The following RAD52 variants were observed in gnomAD, a reference collection of about 807,000 sequenced individuals.
The protein encoded by RAD52 is DNA repair protein RAD52 homolog.
In RAD52, 47 loss-of-function variants were observed where a neutral mutation model predicts 55.5. The ratio of observed to expected loss-of-function variants is 0.85; its 90% CI spans 0.67 to 1.08. The LOEUF (loss-of-function observed/expected upper bound fraction) is 1.08, where lower values mean the gene tolerates loss of function less well. Ranked by LOEUF, RAD52 falls within the 50% of genes least tolerant of loss-of-function variation. RAD52 has a pLI of 0.00. For missense variants in RAD52, 468 were observed against 522.8 expected (o/e 0.90, Z 1.02); for synonymous variants, 184 against 198.9 (o/e 0.92, Z 0.63).
At chr12:985,699 T>G (rs1045030186) in intron 1 of RAD52, among the ~76,000 whole-genome samples, 1 of 152,190 alleles carries the variant, frequency 6.6e-6, no homozygotes, top group Non-Finnish European at 1.5e-5. Context: ...TTATTTATTT[T>G]GAGACGGAGT....
chr12:983,316 G>A (rs1190411669), intron 1 of RAD52, among the ~76,000 whole-genome samples: 4 of 151,942 alleles, frequency 2.6e-5, no homozygotes, highest in African/African-American at 9.7e-5. Flanking sequence ...AAATAATACA[G>A]TTTGGGTGGT....
Position 914,071 on chromosome 12 carries a change from C to A in RAD52, c.1018G>T (p.Asp340Tyr). ...EKWAVTPDAGDGVVKPSSRAD... is the reference protein window; with the variant it reads ...EKWAVTPDAGYGVVKPSSRAD... The stretch of plus-strand genomic sequence containing the variant: ...CTAGACGAGGGCTTGACCACACCAT[C>A]CCCTGCATCGGGAGTCACAGCCCAC... Residue 340 changes from aspartate (D) to tyrosine (Y), a missense_variant, in exon 11 of 12, where the codon GAT (aspartate) becomes TAT (tyrosine). Asp to Tyr is a radical substitution (Grantham distance 160, BLOSUM62 -3). Transcript: ENST00000358495. 1 of 1,614,178 alleles carries A rather than the reference C, an allele frequency of 6.2e-7. No homozygotes were observed. The highest frequency in any genetic ancestry group is 8.5e-7 in the Non-Finnish European group (1 of 1,180,026).
rs200457798 is a variant in RAD52 at position 929,927 on chromosome 12, C to G, written c.281-41G>C. 1.5e-5 allele frequency: 24 copies of G among 1,589,938 alleles called. No individual in the cohort carries two copies. In the East Asian group the frequency reaches 4.9e-4, roughly 33 times the overall value. ...AGAGCAAGTTGAAGAGGACACTGAC[C>G]GCTGGGCCACAACCATTCCTCCTGC... On this transcript the variant is annotated intron_variant, in intron 4 of 11. Transcript: ENST00000358495.
intron 1 of RAD52, among the ~76,000 whole-genome samples, chr12:977,944 T>G (rs1958955594): frequency 6.6e-6 from 1 of 152,196 alleles, no homozygotes; most frequent in South Asian, 2.1e-4. Flanking sequence ...ACATCAGCTG[T>G]GAATGGGACA....
chr12:928,913 G>A (rs1419323949), intron 5 of RAD52, among the ~76,000 whole-genome samples: 2 of 152,076 alleles, frequency 1.3e-5, no homozygotes, highest in Non-Finnish European at 2.9e-5. Flanking sequence ...TTTCCACCCA[G>A]GAGTTCAGTG....
At chr12:971,464 G>A (rs977034582) in intron 1 of RAD52, among the ~76,000 whole-genome samples, 2 of 152,240 alleles carry the variant, frequency 1.3e-5, no homozygotes, top group Admixed American at 1.3e-4. Context: ...GCAGAGCGGG[G>A]TTAGTAAGTT....
intron 1 of RAD52, among the ~76,000 whole-genome samples, chr12:967,262 A>C (rs562184508): frequency 1.3e-4 from 19 of 151,774 alleles, no homozygotes; most frequent in African/African-American, 4.6e-4. Context: ...GCCTGTAGTC[A>C]CAGCTATTTG....
intron 1 of RAD52, among the ~76,000 whole-genome samples, chr12:970,894 T>C (rs1248834028): frequency 7.4e-6 from 1 of 135,960 alleles, no homozygotes; most frequent in Non-Finnish European, 1.5e-5. Context: ...CAAATACATA[T>C]ATTTTGAACC....
chr12:944,435 C>A (rs1054850165), intron 1 of RAD52, among the ~76,000 whole-genome samples: 1 of 151,092 alleles, frequency 6.6e-6, no homozygotes, highest in Non-Finnish European at 1.5e-5. Context: ...ATCACTTGAG[C>A]GGGGGCGAGG....
At chr12:925,204 C>G (rs1161103890) in intron 7 of RAD52, among the ~76,000 whole-genome samples, 1 of 152,182 alleles carries the variant, frequency 6.6e-6, no homozygotes, top group African/African-American at 2.4e-5. Context: ...CCTGCCTCCA[C>G]CTCCCAAAGT....
intron 1 of RAD52, among the ~76,000 whole-genome samples, chr12:933,987 T>C (rs1418415633): frequency 6.6e-6 from 1 of 151,426 alleles, no homozygotes; most frequent in Non-Finnish European, 1.5e-5. Context: ...CGTGGTGCTA[T>C]GCTACTTAGG....
intron 1 of RAD52, among the ~76,000 whole-genome samples, chr12:941,155 G>C (rs1957899280): frequency 1.3e-5 from 2 of 152,020 alleles, no homozygotes; most frequent in African/African-American, 4.8e-5. Flanking sequence ...AAAATAAAGA[G>C]AAAATCTTGA....
chr12:956,340 A>G (rs971466600), intron 1 of RAD52, among the ~76,000 whole-genome samples: 9 of 152,336 alleles, frequency 5.9e-5, no homozygotes, highest in Admixed American at 5.9e-4. Context: ...TCAATGTTCT[A>G]TGCTGCTATA....
intron 6 of RAD52, among the ~76,000 whole-genome samples, chr12:925,849 T>TC (rs918003785): frequency 7.9e-5 from 12 of 151,782 alleles, no homozygotes; most frequent in East Asian, 7.7e-4. Context: ...TTCTTTTTTT[T>TC]CCCCCCAAAG....
upstream of RAD52, among the ~76,000 whole-genome samples, chr12:952,078 T>G (rs1029944681): frequency 6.6e-6 from 1 of 152,194 alleles, no homozygotes; most frequent in Non-Finnish European, 1.5e-5. Flanking sequence ...ATCCTCCTGC[T>G]TCAGTCTCCT....
chr12:931,171 G>A (rs1262700795), intron 3 of RAD52, 49 bp downstream of exon 3: 11 of 1,462,422 alleles, frequency 7.5e-6, no homozygotes, highest in Non-Finnish European at 9.5e-6. Context: ...CAAGACCATC[G>A]GAGTCTGCGG....
intron 1 of RAD52, chr12:975,575 TG>T (rs1958924972): frequency 6.6e-6 from 1 of 152,202 alleles, no homozygotes; most frequent in Non-Finnish European, 1.5e-5. Flanking sequence ...TAACCAGAAG[TG>T]GATGATATCC....
chr12:990,725 C>G (rs1052822205), upstream of RAD52: 1 of 152,240 alleles, frequency 6.6e-6, no homozygotes, highest in African/African-American at 2.4e-5. Flanking sequence ...CAGCCAGGGT[C>G]GATCCCGGCG....
At position 932,813 on chromosome 12, in the gene RAD52, T is replaced by G. The variant is rs200420407; in HGVS notation, c.84+162A>C. Among the ~76,000 whole-genome samples the G allele has an allele frequency of 2.4e-3, 207 of 84,984 alleles. 2 individuals are homozygous for G. The highest frequency in any genetic ancestry group is 3.5e-3 in the African/African-American group (105 of 29,816). The allele number at this position is 84,984 out of a possible 152,430, so 55.8% of individuals were successfully genotyped here. A position where few individuals can be genotyped will look rare whatever the true frequency, so the allele number is the denominator to read the frequency against. On this transcript the variant is annotated intron_variant, in intron 2 of 11. Transcript: ENST00000358495. ...ACCGCGTCAACGTACTAGGTACTGCTCACACACGTACTAGGTAAACGTACT... is the reference window on the plus strand; with the variant it reads ...ACCGCGTCAACGTACTAGGTACTGCGCACACACGTACTAGGTAAACGTACT...
Sources: gnomAD v4.1 joint callset for allele counts (sites outside exome capture counted in the v4.1 genomes callset) on GRCh38, gnomAD v4.1.1 for gene constraint, MANE v1.5 for transcripts, NCBI Gene and HGNC (gene_info 2026-07-23, HGNC 2026-07-21) for gene names.